Variants in MEGF10 observed in about 807,000 individuals in gnomAD.
MEGF10 encodes the protein multiple epidermal growth factor-like domains protein 10.
A neutral mutation model predicts 147.5 loss-of-function variants in MEGF10; 86 were observed. The observed-to-expected ratio is 0.58, with a 90% confidence interval of 0.49 to 0.70. The LOEUF (loss-of-function observed/expected upper bound fraction) is 0.70. MEGF10 is among the 30% of genes least tolerant of loss of function. The pLI, the probability that MEGF10 is intolerant of heterozygous loss-of-function variation, is 0.00. For missense variants in MEGF10, 1,329 were observed against 1,487.3 expected (o/e 0.89, Z 1.75); for synonymous variants, 478 against 525.5 (o/e 0.91, Z 1.24).
At chr5:127,447,238 C>T (rs1765967419) in intron 20 of MEGF10, among the ~76,000 whole-genome samples, 1 of 152,056 alleles carries the variant, frequency 6.6e-6, no homozygotes, top group African/African-American at 2.4e-5. Flanking sequence ...TGCAGTGGTG[C>T]GATCTCGGCT....
the MEGF10 span, among the ~76,000 whole-genome samples, chr5:127,236,785 A>C: frequency 6.6e-6 from 1 of 152,096 alleles, no homozygotes. Context: ...CTTGCTCTGT[A>C]CTCCCAAAAC....
intron 24 of MEGF10, among the ~76,000 whole-genome samples, chr5:127,456,780 A>G (rs1305579278): frequency 6.6e-6 from 1 of 152,152 alleles, no homozygotes; most frequent in East Asian, 1.9e-4. Context: ...TTAACGTTTG[A>G]GAATGTCAGT....
chr5:127,269,898 A>G, the MEGF10 span, among the ~76,000 whole-genome samples: 1 of 152,234 alleles, frequency 6.6e-6, no homozygotes, highest in Non-Finnish European at 1.5e-5. Flanking sequence ...CAGAAACTCT[A>G]CAAGCCAGAA....
At chr5:127,453,013 T>C (rs1766215330) in intron 22 of MEGF10, among the ~76,000 whole-genome samples, 1 of 152,192 alleles carries the variant, frequency 6.6e-6, no homozygotes, top group Admixed American at 6.5e-5. Flanking sequence ...TAGGAGAGGC[T>C]GCTTCCTTCT....
At chr5:127,340,684 TG>T in intron 4 of MEGF10, 54 bp downstream of exon 4, 1 of 1,459,354 alleles carries the variant, frequency 6.9e-7, no homozygotes. Flanking sequence ...AGTGCTGGTT[TG>T]CTTCCATTAA....
the MEGF10 span, among the ~76,000 whole-genome samples, chr5:127,251,745 C>T: frequency 4.6e-5 from 7 of 151,574 alleles, no homozygotes; most frequent in South Asian, 2.1e-4. Flanking sequence ...GAAAGCCTAT[C>T]GAAGTAAGAT....
Position 127,420,076 on chromosome 5 carries a change from C to A in MEGF10, c.1459C>A (p.Pro487Thr). Residue 487 changes from proline to threonine, a missense_variant, in exon 12 of 25, where the codon CCC (proline) becomes ACC (threonine). Transcript: ENST00000503335. The stretch of plus-strand genomic sequence containing the variant: ...CGGGGTGGACTGCTCCATCAGATGT[C>A]CCAGTGGCACATGGGGCTTTGGCTG... The part of the protein sequence containing the change: ...WHGVDCSIRC[P>T]SGTWGFGCNL... 6.2e-7 allele frequency: 1 copy of A among 1,614,184 alleles called. No homozygotes were observed.
In MEGF10 at chr5:127,396,704, C is replaced by T; in HGVS notation, c.585C>T (p.Cys195=). 6.2e-7 allele frequency: 1 copy of T among 1,614,110 alleles called. No individual in the cohort carries two copies. Among genetic ancestry groups the T allele is most frequent in the African/African-American group, 1.3e-5 (1 of 75,072 alleles). The part of the protein sequence containing the change: ...GTYGNDCHQR[C]QCQNGATCDH... ...ATGGTAACGACTGTCATCAGAGATG[C>T]CAGTGCCAGAATGGAGCCACCTGCG... The change falls in exon 6 of 25, where the codon TGC becomes TGT. Residue 195 remains cysteine (C), a synonymous_variant. Transcript: ENST00000503335.
intron 6 of MEGF10, among the ~76,000 whole-genome samples, chr5:127,397,289 T>A (rs1423774621): frequency 6.6e-6 from 1 of 152,226 alleles, no homozygotes; most frequent in Non-Finnish European, 1.5e-5. Context: ...CATACATTAT[T>A]TAATGCTCAT....
At chr5:127,332,501 G>A (rs1761301698) in intron 2 of MEGF10, among the ~76,000 whole-genome samples, 1 of 152,156 alleles carries the variant, frequency 6.6e-6, no homozygotes, top group Admixed American at 6.5e-5. Flanking sequence ...CTGGGGACAT[G>A]CTGGTTTCTC....
At chr5:127,282,588 G>A in the MEGF10 span, among the ~76,000 whole-genome samples, 1 of 152,192 alleles carries the variant, frequency 6.6e-6, no homozygotes, top group Non-Finnish European at 1.5e-5. Flanking sequence ...TATTGCATTG[G>A]TGCAAAAGTA....
chr5:127,445,907 A>G (rs1765927036), intron 20 of MEGF10, among the ~76,000 whole-genome samples: 1 of 152,210 alleles, frequency 6.6e-6, no homozygotes, highest in Non-Finnish European at 1.5e-5. Context: ...AGGGTTTTAA[A>G]ATTGAGCTCA....
chr5:127,387,167 A>G (rs6881894), intron 5 of MEGF10, among the ~76,000 whole-genome samples: 39,864 of 152,084 alleles, frequency 0.26, 6,423 homozygotes, highest in African/African-American at 0.46. Flanking sequence ...GGTTGCTGAT[A>G]GAGTCCTTTG....
intron 1 of MEGF10, among the ~76,000 whole-genome samples, chr5:127,303,097 G>A: frequency 6.6e-6 from 1 of 152,112 alleles, no homozygotes; most frequent in East Asian, 1.9e-4. Flanking sequence ...AGCACTTTGG[G>A]AGGCCAAGGT....
intron 8 of MEGF10, 35 bp downstream of exon 8, chr5:127,402,717 T>C (rs374080176): frequency 6.2e-6 from 10 of 1,608,992 alleles, no homozygotes; most frequent in Non-Finnish European, 8.5e-6. Flanking sequence ...TGACTGTTTA[T>C]AATGATGTGA....
chr5:127,450,737 ATGTTT>A (rs747858812), intron 22 of MEGF10, among the ~76,000 whole-genome samples: 41 of 151,762 alleles, frequency 2.7e-4, no homozygotes, highest in African/African-American at 3.4e-4. Flanking sequence ...TCATTTGCTA[ATGTTT>A]TGTTTTGTTT....
At position 127,457,137 on chromosome 5, in the gene MEGF10, T is replaced by A; in HGVS notation, c.3242T>A (p.Val1081Glu). 1.2e-6 allele frequency: 2 copies of A among 1,611,690 alleles called. No homozygotes were observed. Among genetic ancestry groups the A allele is most frequent in the East Asian group, 2.2e-5 (1 of 44,866 alleles). The change falls in exon 25 of 25, where the codon GTG becomes GAG. Residue 1081 changes from valine to glutamate, a missense_variant. Physicochemically the swap from Val to Glu is moderately radical, Grantham distance 121. Coordinates refer to ENST00000503335, the MANE Select transcript of MEGF10 (RefSeq NM_001256545.2). Reference protein sequence around the residue: ...NRNVYEVEPTVSVVQGVFSNN... With the variant: ...NRNVYEVEPTESVVQGVFSNN... ...TCCTTGGTTATCACAGAACCTACAG[T>A]GAGTGTTGTCCAAGGAGTATTCAGC...
At chr5:127,372,836 A>T (rs1008051302) in intron 5 of MEGF10, among the ~76,000 whole-genome samples, 4 of 152,228 alleles carry the variant, frequency 2.6e-5, no homozygotes, top group Non-Finnish European at 1.5e-5. Flanking sequence ...TGGTTAAGGT[A>T]GTGTGCTAGG....
At chr5:127,283,538 C>T in the MEGF10 span, among the ~76,000 whole-genome samples, 2 of 152,134 alleles carry the variant, frequency 1.3e-5, no homozygotes, top group East Asian at 3.9e-4. Flanking sequence ...TTACAAACTG[C>T]CAGTCCAGAC....
Sources: gnomAD v4.1 joint callset for allele counts (sites outside exome capture counted in the v4.1 genomes callset) on GRCh38, gnomAD v4.1.1 for gene constraint, MANE v1.5 for transcripts, NCBI Gene and HGNC (gene_info 2026-07-23, HGNC 2026-07-21) for gene names.